RAD51B: variants seen among roughly 807,000 people sequenced by gnomAD.
The protein encoded by RAD51B is RAD51 paralog B, also known as DNA repair protein RAD51 homolog 2.
RAD51B carries 38 observed loss-of-function variants against 42.2 expected under a neutral mutation model. The observed-to-expected ratio is 0.90, with a 90% CI of 0.70 to 1.18. The LOEUF is 1.18. RAD51B is among the 50% of genes most tolerant of loss of function. The pLI, the probability that RAD51B is intolerant of heterozygous loss-of-function variation, is 0.00. For missense variants in RAD51B, 373 were observed against 400.7 expected, an observed-to-expected ratio of 0.93 and a Z score of 0.59; for synonymous variants, 154 against 145.2, an observed-to-expected ratio of 1.06 and a Z score of -0.43.
chr14:67,915,865 T>C (rs2044134257), intron 7 of RAD51B, among the ~76,000 whole-genome samples: 1 of 152,204 alleles, frequency 6.6e-6, no homozygotes, highest in Admixed American at 6.5e-5. Flanking sequence ...CCCTAGCTCT[T>C]ATTTAGGGAG....
chr14:68,049,615 C>T (rs2076360442), intron 7 of RAD51B, among the ~76,000 whole-genome samples: 1 of 152,190 alleles, frequency 6.6e-6, no homozygotes, highest in Non-Finnish European at 1.5e-5. Flanking sequence ...CCCCAGGGCT[C>T]CTGGTCTCCT....
intron 7 of RAD51B, among the ~76,000 whole-genome samples, chr14:67,900,575 G>C (rs1488594189): frequency 6.8e-6 from 1 of 147,516 alleles, no homozygotes; most frequent in Non-Finnish European, 1.5e-5. Context: ...TTAGACTCAT[G>C]ACTCAAAGGA....
intron 10 of RAD51B, among the ~76,000 whole-genome samples, chr14:68,502,787 G>A (rs76413420): frequency 3.9e-5 from 6 of 152,114 alleles, no homozygotes; most frequent in Non-Finnish European, 5.9e-5. Context: ...CCTTGCATCC[G>A]CTGTCCTCCC....
At chr14:68,047,823 C>G (rs976998332) in intron 7 of RAD51B, among the ~76,000 whole-genome samples, 1 of 152,122 alleles carries the variant, frequency 6.6e-6, no homozygotes, top group Non-Finnish European at 1.5e-5. Context: ...GAAAAGAAAG[C>G]TAGACGTTTT....
At chr14:68,306,682 C>T (rs765296874) in intron 8 of RAD51B, 2 of 507,986 alleles carry the variant, frequency 3.9e-6, no homozygotes, top group South Asian at 1.4e-5. Context: ...GAGTTTGTGA[C>T]AAGTGTGTAT....
chr14:68,412,120 A>G (rs2084436840), intron 9 of RAD51B, among the ~76,000 whole-genome samples: 1 of 152,188 alleles, frequency 6.6e-6, no homozygotes, highest in African/African-American at 2.4e-5. Flanking sequence ...CAGAAAGTTT[A>G]CTTTCTACCT....
rs1566876480 is a variant in RAD51B, at chr14:68,425,971, T to TCTTTCTTTCTTC, written c.957+14451_957+14452insTCTTCCTTTCTT. 8.6e-5 allele frequency among the ~76,000 whole-genome samples: 7 copies of TCTTTCTTTCTTC among 81,858 alleles called. No homozygotes were observed. In the East Asian group the frequency reaches 1.4e-3, roughly 17 times the overall value. 53.7% of individuals were successfully genotyped at this position (81,858 alleles called of 152,430 possible). ...TTCTTTCTTTCTTTCTTTCTTTCTTTCTTTCTTCCTTCCTTCCTTCCTTCC... is the reference window on the plus strand; with the variant it reads ...TTCTTTCTTTCTTTCTTTCTTTCTTTCTTTCTTTCTTCCTTTCTTCCTTCCTTCCTTCCTTCC... On this transcript the variant is annotated intron_variant, in intron 9 of 10. Coordinates refer to ENST00000471583, the MANE Select transcript of RAD51B (RefSeq NM_133510.4).
chr14:68,436,138 T>A (rs1241753022), intron 9 of RAD51B, among the ~76,000 whole-genome samples: 1 of 152,186 alleles, frequency 6.6e-6, no homozygotes, highest in Non-Finnish European at 1.5e-5. Context: ...TCTTCTAGGA[T>A]TCTTATAGTT....
intron 10 of RAD51B, among the ~76,000 whole-genome samples, chr14:68,648,807 T>C (rs933921370): frequency 6.6e-6 from 1 of 152,014 alleles, no homozygotes; most frequent in Non-Finnish European, 1.5e-5. Context: ...ATGACAGTGT[T>C]GGGCCAGATG....
At chr14:68,224,850 C>T (rs142214981) in intron 7 of RAD51B, among the ~76,000 whole-genome samples, 278 of 152,060 alleles carry the variant, frequency 1.8e-3, no homozygotes, top group Non-Finnish European at 3.1e-3. Flanking sequence ...TCCGCTGCCA[C>T]GCCCAGCTAA....
rs532058322 is a variant in RAD51B, at chr14:67,963,537, T to C, written c.756+76333T>C. Reference sequence around the variant, plus strand: ...ATAGCCTCATTTCTTTTTTAACTTATCTTGACCCCTTTTCTCTTACCATCA... The same window carrying C: ...ATAGCCTCATTTCTTTTTTAACTTACCTTGACCCCTTTTCTCTTACCATCA... On this transcript the variant is annotated intron_variant, in intron 7 of 10. Coordinates refer to ENST00000471583, the MANE Select transcript of RAD51B (RefSeq NM_133510.4). Among the ~76,000 whole-genome samples, 4 of 152,272 alleles carry C rather than the reference T, an allele frequency of 2.6e-5. No individual in the cohort carries two copies. In the South Asian group the frequency reaches 8.3e-4, roughly 32 times the overall value.
intron 7 of RAD51B, among the ~76,000 whole-genome samples, chr14:68,256,693 C>T (rs576310805): frequency 6.6e-6 from 1 of 152,130 alleles, no homozygotes; most frequent in African/African-American, 2.4e-5. Context: ...TTCCAAGGCC[C>T]CAGGTTAAAT....
intron 7 of RAD51B, among the ~76,000 whole-genome samples, chr14:68,247,634 C>T (rs117876885): frequency 0.013 from 1,951 of 152,274 alleles, 19 homozygotes; most frequent in Non-Finnish European, 0.021. Flanking sequence ...TCATTCTCAA[C>T]GGAACATAAT....
At chr14:68,646,487 AT>A (rs2140134444) in intron 10 of RAD51B, among the ~76,000 whole-genome samples, 1 of 152,266 alleles carries the variant, frequency 6.6e-6, no homozygotes, top group African/African-American at 2.4e-5. Flanking sequence ...TGGCTTTCAC[AT>A]TTTGTTGCAA....
chr14:67,856,577 A>C (rs903417295), intron 4 of RAD51B, among the ~76,000 whole-genome samples: 3 of 152,170 alleles, frequency 2.0e-5, no homozygotes, highest in Non-Finnish European at 4.4e-5. Context: ...GGCATCCTTA[A>C]ATTGTCTTCT....
intron 7 of RAD51B, among the ~76,000 whole-genome samples, chr14:67,946,949 T>C (rs2045416145): frequency 6.6e-6 from 1 of 152,198 alleles, no homozygotes; most frequent in Non-Finnish European, 1.5e-5. Flanking sequence ...GATTTCTTAA[T>C]TTGATATATT....
At position 67,885,773 on chromosome 14, in the gene RAD51B, C is replaced by G. The variant is rs138818896; in HGVS notation, c.453-96C>G. ...GCTTATACCTGCTCTATTGATAAGGCTTAGGAGTTTCTCAAGTAAAATTAA... is the reference window on the plus strand; with the variant it reads ...GCTTATACCTGCTCTATTGATAAGGGTTAGGAGTTTCTCAAGTAAAATTAA... On this transcript the variant is annotated intron_variant, in intron 5 of 10. Transcript: ENST00000471583. 209 of 1,477,298 alleles carry G rather than the reference C, an allele frequency of 1.4e-4. No homozygotes were observed. The African/African-American group carries it at 2.6e-3, about 18-fold the overall frequency. 91.5% of individuals were successfully genotyped at this position (1,477,298 alleles called of 1,614,324 possible). A position where few individuals can be genotyped will look rare whatever the true frequency, so the allele number is the denominator to read the frequency against.
intron 7 of RAD51B, among the ~76,000 whole-genome samples, chr14:68,059,385 G>A (rs2076532816): frequency 6.6e-6 from 1 of 152,178 alleles, no homozygotes; most frequent in South Asian, 2.1e-4. Context: ...TGACCTTCAA[G>A]ACACAATGGC....
intron 8 of RAD51B, among the ~76,000 whole-genome samples, chr14:68,319,734 T>C (rs1007216475): frequency 6.6e-6 from 1 of 152,206 alleles, no homozygotes; most frequent in Admixed American, 6.5e-5. Context: ...CTTAGCTTCT[T>C]TAGGGTAGCT....
Sources: allele counts gnomAD v4.1 joint callset (sites outside exome capture counted in the v4.1 genomes callset), GRCh38; gene constraint gnomAD v4.1.1; transcripts MANE v1.5; gene names NCBI Gene and HGNC (gene_info 2026-07-23, HGNC 2026-07-21).